The following PIK3C2G variants were observed in gnomAD, a reference collection of about 807,000 sequenced individuals.
PIK3C2G encodes phosphatidylinositol-4-phosphate 3-kinase catalytic subunit type 2 gamma.
A neutral mutation model predicts 181.1 loss-of-function variants in PIK3C2G; 168 were observed. That is an observed-to-expected ratio of 0.93 (90% CI 0.82 to 1.05). The LOEUF (loss-of-function observed/expected upper bound fraction) is 1.05, where lower values mean the gene tolerates loss of function less well. Among genes scored for constraint, PIK3C2G ranks in the 50% least tolerant of loss-of-function variants. The probability of loss-of-function intolerance (pLI) is 0.00; values close to 1 mark genes in which losing one functional copy is unlikely to be tolerated. For missense variants in PIK3C2G, 1,869 were observed against 1,732.8 expected, an observed-to-expected ratio of 1.08 and a Z score of -1.40; for synonymous variants, 573 against 592.2, an observed-to-expected ratio of 0.97 and a Z score of 0.47.
intron 14 of PIK3C2G, among the ~76,000 whole-genome samples, chr12:18,386,623 C>A (rs1343995310): frequency 6.6e-6 from 1 of 152,056 alleles, no homozygotes; most frequent in East Asian, 1.9e-4. Flanking sequence ...GGGATTCATT[C>A]CTTTTTCTAT....
chr12:18,476,330 T>A (rs181134964), intron 18 of PIK3C2G, among the ~76,000 whole-genome samples: 7 of 152,264 alleles, frequency 4.6e-5, no homozygotes, highest in Admixed American at 1.3e-4. Flanking sequence ...GGGTAGTACT[T>A]TATGTTTGGG....
chr12:18,616,835 TAA>T (rs1191984261), intron 31 of PIK3C2G, among the ~76,000 whole-genome samples: 1 of 152,158 alleles, frequency 6.6e-6, no homozygotes, highest in Admixed American at 6.6e-5. Flanking sequence ...AAAATTGTTT[TAA>T]AAGAGTCATT....
At chr12:18,321,842 GA>G (rs1428006970) in intron 7 of PIK3C2G, among the ~76,000 whole-genome samples, 2 of 152,096 alleles carry the variant, frequency 1.3e-5, no homozygotes, top group African/African-American at 4.8e-5. Context: ...CATAGAAACA[GA>G]AAACAAAATA....
intron 31 of PIK3C2G, among the ~76,000 whole-genome samples, chr12:18,622,468 T>C (rs1948904451): frequency 6.6e-6 from 1 of 151,954 alleles, no homozygotes; most frequent in African/African-American, 2.4e-5. Flanking sequence ...TGATGGACAC[T>C]TGGGTTGATT....
At chr12:18,437,866 A>G (rs1946531601) in intron 18 of PIK3C2G, among the ~76,000 whole-genome samples, 1 of 151,914 alleles carries the variant, frequency 6.6e-6, no homozygotes, top group Non-Finnish European at 1.5e-5. Flanking sequence ...CAGAAGCAAG[A>G]AACTGCCTAG....
chr12:18,250,635 T>C (rs1237727441), intron 1 of PIK3C2G, among the ~76,000 whole-genome samples: 4 of 152,088 alleles, frequency 2.6e-5, no homozygotes, highest in Admixed American at 1.3e-4. Flanking sequence ...CCTACTGCCC[T>C]TTCCTTGCTA....
intron 32 of PIK3C2G, among the ~76,000 whole-genome samples, chr12:18,646,263 A>G (rs1950124710): frequency 6.6e-6 from 1 of 152,220 alleles, no homozygotes. Flanking sequence ...AAGTAACCAC[A>G]GTATTACTCC....
intron 1 of PIK3C2G, among the ~76,000 whole-genome samples, chr12:18,249,172 A>C (rs2136944202): frequency 6.6e-6 from 1 of 152,274 alleles, no homozygotes; most frequent in South Asian, 2.1e-4. Flanking sequence ...ACTCAAGAAA[A>C]GATGTTTCTA....
chr12:18,489,645 T>C (rs960880657), intron 19 of PIK3C2G, among the ~76,000 whole-genome samples: 1 of 152,066 alleles, frequency 6.6e-6, no homozygotes, highest in African/African-American at 2.4e-5. Flanking sequence ...AGGCATATAA[T>C]AGGATAAGCA....
At position 18,468,140 on chromosome 12, in the gene PIK3C2G, A is replaced by G. The variant is rs970198532; in HGVS notation, c.2505-20309A>G. Among the ~76,000 whole-genome samples the G allele has an allele frequency of 2.6e-5, 4 of 152,084 alleles. No individual in the cohort carries two copies. The East Asian group carries it at 7.7e-4, about 29-fold the overall frequency. Reference sequence around the variant, plus strand: ...GGTGCTGATCTCACTTCACAAAAATAAGTCTGCTCTCCCTCTGAGAGTATA... The same window carrying G: ...GGTGCTGATCTCACTTCACAAAAATGAGTCTGCTCTCCCTCTGAGAGTATA... On this transcript the variant is annotated intron_variant, in intron 18 of 32. Transcript: ENST00000538779.
chr12:18,622,304 C>A (rs565753963), intron 31 of PIK3C2G, among the ~76,000 whole-genome samples: 21 of 151,816 alleles, frequency 1.4e-4, no homozygotes, highest in Non-Finnish European at 3.0e-4. Context: ...TGAGAACATG[C>A]AGTATCTGTC....
intron 13 of PIK3C2G, among the ~76,000 whole-genome samples, chr12:18,377,362 C>T (rs1394643985): frequency 6.6e-6 from 1 of 152,114 alleles, no homozygotes; most frequent in Non-Finnish European, 1.5e-5. Flanking sequence ...TAAGGATACT[C>T]CAGAACAAAT....
At chr12:18,367,330 A>T (rs1941709817) in intron 12 of PIK3C2G, among the ~76,000 whole-genome samples, 1 of 152,186 alleles carries the variant, frequency 6.6e-6, no homozygotes, top group Admixed American at 6.5e-5. Flanking sequence ...AAGAATTTGA[A>T]AGAAAACAAA....
At chr12:18,267,380 A>T (rs887056459) in intron 1 of PIK3C2G, among the ~76,000 whole-genome samples, 2 of 151,786 alleles carry the variant, frequency 1.3e-5, no homozygotes, top group African/African-American at 4.9e-5. Flanking sequence ...TAGATCACAT[A>T]TAACTACTGT....
chr12:18,356,626 A>G (rs1048836191), intron 11 of PIK3C2G, among the ~76,000 whole-genome samples: 8 of 152,056 alleles, frequency 5.3e-5, no homozygotes, highest in Non-Finnish European at 1.2e-4. Context: ...AAGATGGTAA[A>G]TGTGGGGGAT....
chr12:18,275,255 G>A (rs569997150), intron 1 of PIK3C2G, among the ~76,000 whole-genome samples: 24 of 152,292 alleles, frequency 1.6e-4, no homozygotes, highest in Non-Finnish European at 3.1e-4. Flanking sequence ...GTAAGACTAC[G>A]TTGGCCTTTT....
At chr12:18,447,606 T>C (rs1947096663) in intron 18 of PIK3C2G, among the ~76,000 whole-genome samples, 1 of 152,058 alleles carries the variant, frequency 6.6e-6, no homozygotes, top group African/African-American at 2.4e-5. Flanking sequence ...TACGAGGGAG[T>C]ATTCTGAAAA....
intron 11 of PIK3C2G, among the ~76,000 whole-genome samples, chr12:18,353,372 T>C (rs773646587): frequency 1.3e-5 from 2 of 152,060 alleles, no homozygotes; most frequent in Admixed American, 6.5e-5. Context: ...ACATGTGTAT[T>C]ATACAAGGAA....
chr12:18,633,157 C>T (rs1221496575), intron 31 of PIK3C2G, among the ~76,000 whole-genome samples: 1 of 152,166 alleles, frequency 6.6e-6, no homozygotes, highest in African/African-American at 2.4e-5. Context: ...GATGTTTACT[C>T]TTCTCCTTGA....
Sources: allele counts gnomAD v4.1 joint callset (sites outside exome capture counted in the v4.1 genomes callset), GRCh38; gene constraint gnomAD v4.1.1; transcripts MANE v1.5; gene names NCBI Gene and HGNC (gene_info 2026-07-23, HGNC 2026-07-21).